HS3ST4: variants seen among roughly 807,000 people sequenced by gnomAD.
HS3ST4 encodes heparan sulfate-glucosamine 3-sulfotransferase 4.
A neutral mutation model predicts 29.2 loss-of-function variants in HS3ST4; 17 were observed. The ratio of observed to expected loss-of-function variants is 0.58; its 90% confidence interval spans 0.40 to 0.87. HS3ST4 has a LOEUF of 0.87. Among genes scored for constraint, HS3ST4 ranks in the 40% least tolerant of loss-of-function variants. The probability of loss-of-function intolerance (pLI) is 0.00; values close to 1 mark genes in which losing one functional copy is unlikely to be tolerated. For missense variants in HS3ST4, 627 were observed against 634.5 expected, an observed-to-expected ratio of 0.99 and a Z score of 0.13; for synonymous variants, 314 against 285.7, an observed-to-expected ratio of 1.10 and a Z score of -1.00.
chr16:25,701,754 G>A (rs17703961), intron 1 of HS3ST4, among the ~76,000 whole-genome samples: 2 of 152,024 alleles, frequency 1.3e-5, no homozygotes, highest in African/African-American at 4.8e-5. Context: ...CATGGCCAGC[G>A]ATCTGAAAGA....
At chr16:25,915,712 G>A (rs1281520056) in intron 1 of HS3ST4, among the ~76,000 whole-genome samples, 43 of 152,124 alleles carry the variant, frequency 2.8e-4, no homozygotes. Context: ...ATATGATTGT[G>A]AAAATATGAA....
At chr16:25,967,944 A>G (rs945282867) in intron 1 of HS3ST4, among the ~76,000 whole-genome samples, 5 of 152,190 alleles carry the variant, frequency 3.3e-5, no homozygotes, top group Non-Finnish European at 2.9e-5. Context: ...TACCCTCTCT[A>G]TCATTCTCAT....
intron 1 of HS3ST4, among the ~76,000 whole-genome samples, chr16:26,087,016 T>C (rs912272659): frequency 2.0e-5 from 3 of 152,222 alleles, no homozygotes; most frequent in African/African-American, 7.2e-5. Context: ...ACCACCTCGT[T>C]GTTCAGGGAT....
intron 1 of HS3ST4, among the ~76,000 whole-genome samples, chr16:25,931,184 G>A (rs1968459644): frequency 6.6e-6 from 1 of 152,196 alleles, no homozygotes; most frequent in African/African-American, 2.4e-5. Context: ...TCCCCAACAA[G>A]CTGCCTTTGG....
At chr16:26,006,280 C>T (rs769492820) in intron 1 of HS3ST4, among the ~76,000 whole-genome samples, 2 of 95,854 alleles carry the variant, frequency 2.1e-5, no homozygotes, top group Non-Finnish European at 3.7e-5. Context: ...GCCTAGGTGA[C>T]AAAGTGAGAC....
chr16:25,794,238 C>T (rs1966876744), intron 1 of HS3ST4, among the ~76,000 whole-genome samples: 1 of 151,992 alleles, frequency 6.6e-6, no homozygotes, highest in Non-Finnish European at 1.5e-5. Context: ...CATTTTAATT[C>T]TTCATTATTT....
chr16:26,048,810 G>A (rs1898300719), intron 1 of HS3ST4, among the ~76,000 whole-genome samples: 1 of 152,138 alleles, frequency 6.6e-6, no homozygotes, highest in Admixed American at 6.6e-5. Flanking sequence ...TCTAGCCTGG[G>A]TGACAGAGCG....
chr16:25,886,331 C>A (rs1211376709), intron 1 of HS3ST4, among the ~76,000 whole-genome samples: 1 of 152,134 alleles, frequency 6.6e-6, no homozygotes, highest in Non-Finnish European at 1.5e-5. Flanking sequence ...CCATGTCCAG[C>A]CCTTACCGTG....
chr16:26,125,487 C>T lies in HS3ST4; in HGVS notation c.735-10125C>T, dbSNP rs114036127. The stretch of plus-strand genomic sequence containing the variant: ...GTAATGCCCACTGGGCCACCACTCA[C>T]GTCCCGCTGTATAGCCCCGCTCCTA... On this transcript the variant is annotated intron_variant, in intron 1 of 1. Coordinates refer to ENST00000331351, the MANE Select transcript of HS3ST4 (RefSeq NM_006040.3). Among the ~76,000 whole-genome samples, 1,134 of 152,356 alleles carry T rather than the reference C, an allele frequency of 7.4e-3. 10 individuals are homozygous for T. Among genetic ancestry groups the T allele is most frequent in the African/African-American group, 0.026 (1,065 of 41,594 alleles).
At chr16:26,025,911 G>C (rs1394981581) in intron 1 of HS3ST4, among the ~76,000 whole-genome samples, 2 of 152,174 alleles carry the variant, frequency 1.3e-5, no homozygotes, top group African/African-American at 4.8e-5. Context: ...AAGTAGCTGG[G>C]ACTACATGCA....
chr16:25,766,430 T>A (rs1966819592), intron 1 of HS3ST4, among the ~76,000 whole-genome samples: 1 of 152,206 alleles, frequency 6.6e-6, no homozygotes, highest in African/African-American at 2.4e-5. Flanking sequence ...CTTGGTAGAC[T>A]ATGGCCAAAC....
intron 1 of HS3ST4, among the ~76,000 whole-genome samples, chr16:25,975,899 A>AC (rs1221997237): frequency 2.6e-5 from 4 of 152,172 alleles, no homozygotes; most frequent in Admixed American, 1.3e-4. Flanking sequence ...CAATTGTTGG[A>AC]CCCCCCTGTT....
chr16:26,065,274 C>G (rs942166815), intron 1 of HS3ST4, among the ~76,000 whole-genome samples: 1 of 152,274 alleles, frequency 6.6e-6, no homozygotes, highest in East Asian at 1.9e-4. Context: ...ACATATACAC[C>G]ATGGAATACT....
chr16:26,043,690 A>C (rs557319376), intron 1 of HS3ST4, among the ~76,000 whole-genome samples: 73 of 152,322 alleles, frequency 4.8e-4, no homozygotes, highest in African/African-American at 1.7e-3. Flanking sequence ...ACGCGCAGCA[A>C]TTACAATCTT....
At chr16:25,750,534 C>G (rs1261943645) in intron 1 of HS3ST4, among the ~76,000 whole-genome samples, 1 of 152,196 alleles carries the variant, frequency 6.6e-6, no homozygotes, top group Admixed American at 6.5e-5. Flanking sequence ...CTGTTACTTA[C>G]TCCATCAAGA....
At chr16:25,738,350 G>A (rs1966626296) in intron 1 of HS3ST4, among the ~76,000 whole-genome samples, 3 of 152,130 alleles carry the variant, frequency 2.0e-5, no homozygotes, top group Admixed American at 2.0e-4. Context: ...CTCCTTACAT[G>A]CCAGGCACCC....
At chr16:25,971,752 C>T (rs1199675480) in intron 1 of HS3ST4, among the ~76,000 whole-genome samples, 1 of 152,054 alleles carries the variant, frequency 6.6e-6, no homozygotes, top group Non-Finnish European at 1.5e-5. Flanking sequence ...GGTGAAACCC[C>T]GTCTCTACTA....
At chr16:25,788,031 C>A (rs948113374) in intron 1 of HS3ST4, among the ~76,000 whole-genome samples, 2 of 152,038 alleles carry the variant, frequency 1.3e-5, no homozygotes, top group Non-Finnish European at 2.9e-5. Context: ...TGACAAAATC[C>A]CAACTTACCA....
chr16:25,989,420 A>G (rs1969095041), intron 1 of HS3ST4, among the ~76,000 whole-genome samples: 1 of 152,158 alleles, frequency 6.6e-6, no homozygotes, highest in Admixed American at 6.5e-5. Flanking sequence ...ACATGGGAAG[A>G]CCTTTATGGG....
Sources: gnomAD v4.1 joint callset for allele counts (sites outside exome capture counted in the v4.1 genomes callset) on GRCh38, gnomAD v4.1.1 for gene constraint, MANE v1.5 for transcripts, NCBI Gene and HGNC (gene_info 2026-07-23, HGNC 2026-07-21) for gene names.